QRICH1: variants seen among roughly 807,000 people sequenced by gnomAD.
QRICH1 encodes the protein transcriptional regulator QRICH1.
In QRICH1, 16 loss-of-function variants were observed where a neutral mutation model predicts 87.1. The ratio of observed to expected loss-of-function variants is 0.18; its 90% CI spans 0.12 to 0.28. QRICH1 has a LOEUF of 0.28. Among genes scored for constraint, QRICH1 ranks in the 10% least tolerant of loss-of-function variants. The pLI, the probability that QRICH1 is intolerant of heterozygous loss-of-function variation, is 1.00. For missense variants in QRICH1, 647 were observed against 951.7 expected, an observed-to-expected ratio of 0.68 and a Z score of 4.21; for synonymous variants, 367 against 368.4, an observed-to-expected ratio of 1.00 and a Z score of 0.05.
chr3:49,041,051 T>A (rs1334418389), intron 6 of QRICH1, among the ~76,000 whole-genome samples: 2 of 152,146 alleles, frequency 1.3e-5, no homozygotes. Context: ...CAATGCAACC[T>A]CCACCTCCTG....
intron 6 of QRICH1, among the ~76,000 whole-genome samples, chr3:49,041,231 A>G (rs1398501328): frequency 6.6e-6 from 1 of 152,122 alleles, no homozygotes; most frequent in African/African-American, 2.4e-5. Flanking sequence ...TTGGCCTCCT[A>G]AAGTGCTAGG....
At chr3:49,031,919 G>A (rs2093242971) in intron 9 of QRICH1, among the ~76,000 whole-genome samples, 1 of 152,176 alleles carries the variant, frequency 6.6e-6, no homozygotes, top group South Asian at 2.1e-4. Context: ...TGTGATGAAG[G>A]TAGATTCTCT....
At chr3:49,042,494 GA>G (rs2106847628) in intron 6 of QRICH1, among the ~76,000 whole-genome samples, 1 of 152,174 alleles carries the variant, frequency 6.6e-6, no homozygotes, top group South Asian at 2.1e-4. Context: ...TGACATTCTG[GA>G]AAAGGCAAAA....
chr3:49,078,065 A>G (rs2041985888), intron 1 of QRICH1, among the ~76,000 whole-genome samples: 1 of 152,172 alleles, frequency 6.6e-6, no homozygotes, highest in Non-Finnish European at 1.5e-5. Context: ...CTCCAGAACA[A>G]AAGTAGCAGC....
intron 2 of QRICH1, among the ~76,000 whole-genome samples, chr3:49,060,607 G>A (rs527752632): frequency 4.7e-4 from 72 of 152,248 alleles, no homozygotes; most frequent in African/African-American, 1.7e-3. Context: ...TGGGATTATA[G>A]GCGTGAGCCA....
In QRICH1 at chr3:49,030,378, G is replaced by C; in HGVS notation, c.*74C>G. On this transcript the variant is annotated 3_prime_UTR_variant, in exon 10 of 10. Coordinates refer to ENST00000395443, the MANE Select transcript of QRICH1 (RefSeq NM_198880.3). Reference sequence around the variant, plus strand: ...AATAAAAAAAAGAAAAAAAAAAATGGAGGCCTCTTCTTTAGTGTGAAAGTC... The same window carrying C: ...AATAAAAAAAAGAAAAAAAAAAATGCAGGCCTCTTCTTTAGTGTGAAAGTC... 3 of 1,378,974 alleles carry C rather than the reference G, an allele frequency of 2.2e-6. No individual in the cohort carries two copies. The highest frequency in any genetic ancestry group is 3.0e-6 in the Non-Finnish European group (3 of 1,005,636). 85.4% of individuals were successfully genotyped at this position (1,378,974 alleles called of 1,614,324 possible).
intron 1 of QRICH1, among the ~76,000 whole-genome samples, chr3:49,091,699 T>C (rs2042277825): frequency 1.3e-5 from 2 of 152,196 alleles, no homozygotes; most frequent in South Asian, 4.1e-4. Context: ...AAAGTATTTA[T>C]AAACACCAAT....
intron 1 of QRICH1, among the ~76,000 whole-genome samples, chr3:49,090,882 A>G (rs970633062): frequency 1.2e-4 from 18 of 152,324 alleles, no homozygotes; most frequent in African/African-American, 4.1e-4. Context: ...TCTGAAGAGG[A>G]CTTAAAACAT....
At chr3:49,075,429 G>A (rs1165836472) in intron 2 of QRICH1, among the ~76,000 whole-genome samples, 1 of 151,108 alleles carries the variant, frequency 6.6e-6, no homozygotes, top group Non-Finnish European at 1.5e-5. Flanking sequence ...TCAGAAGTTC[G>A]AGACCAGCCT....
chr3:49,076,560 A>C (rs990590598), intron 2 of QRICH1, 149 bp downstream of exon 2: 3 of 829,022 alleles, frequency 3.6e-6, no homozygotes, highest in African/African-American at 3.5e-5. Flanking sequence ...AAGGAGAAGA[A>C]AGAAAAAACT....
At chr3:49,079,237 A>AAAAC (rs951961856) in intron 1 of QRICH1, among the ~76,000 whole-genome samples, 25 of 151,954 alleles carry the variant, frequency 1.6e-4, no homozygotes, top group South Asian at 6.2e-4. Flanking sequence ...CTGTCTAAAA[A>AAAAC]AAACAAACAA....
At chr3:49,074,998 T>C (rs757006490) in intron 2 of QRICH1, among the ~76,000 whole-genome samples, 8 of 151,244 alleles carry the variant, frequency 5.3e-5, no homozygotes, top group Non-Finnish European at 8.8e-5. Context: ...AGACCAAATA[T>C]CTGTGGTGTT....
chr3:49,094,218 A>G (rs949719404), upstream of QRICH1: 6 of 386,166 alleles, frequency 1.6e-5, no homozygotes, highest in Non-Finnish European at 2.3e-5. Flanking sequence ...ATCCTAGGGT[A>G]TGGAGCGGCT....
chr3:49,069,027 T>C (rs1336619124), intron 2 of QRICH1, among the ~76,000 whole-genome samples: 1 of 151,900 alleles, frequency 6.6e-6, no homozygotes, highest in Non-Finnish European at 1.5e-5. Flanking sequence ...GGTTAGAAAT[T>C]TGTGATAAGA....
chr3:49,057,713 G>T lies in QRICH1; in HGVS notation c.487C>A (p.Gln163Lys). 1.9e-6 allele frequency: 3 copies of T among 1,614,194 alleles called. No homozygotes were observed. Among genetic ancestry groups the T allele is most frequent in the Non-Finnish European group, 2.5e-6 (3 of 1,180,032 alleles). ...ACCTGGATCTGAGCTGCTTGCAGCTGCGAGGGACTGGGACTCTGCAGAGAC... is the reference window on the plus strand; with the variant it reads ...ACCTGGATCTGAGCTGCTTGCAGCTTCGAGGGACTGGGACTCTGCAGAGAC... ...TPSLQSPSPS[Q>K]LQAAQIQVQH... Residue 163 changes from glutamine (Q) to lysine (K), a missense_variant, in exon 3 of 10, where the codon CAG becomes AAG. This residue lies in a region of QRICH1 where 156 missense variants were observed against 164.5 expected (regional missense o/e 0.95). Transcript: ENST00000395443. This position sits in a 1 kb window ranked among gnomAD's most constrained non-coding sequence, Gnocchi z 5.4.
chr3:49,044,399 T>A lies in QRICH1; in HGVS notation c.1777A>T (p.Thr593Ser). The A allele has an allele frequency of 6.2e-7, 1 of 1,607,316 alleles. No individual in the cohort carries two copies. Among genetic ancestry groups the A allele is most frequent in the South Asian group, 1.1e-5 (1 of 90,370 alleles). ...CAAGGGAGACTCTTACCAAGTGGAG[T>A]GACCCGGGGCTGAACATCCTTCAGA... ...EVLKDVQPRV[T>S]PLGYVLPSHV... is the part of the protein sequence containing the mutation. The change falls in exon 6 of 10, where the codon ACT becomes TCT. Residue 593 changes from threonine (T) to serine (S), a missense_variant. This residue lies in a region of QRICH1 where 187 missense variants were observed against 309.5 expected (regional missense o/e 0.60). Coordinates refer to ENST00000395443, the MANE Select transcript of QRICH1 (RefSeq NM_198880.3).
chr3:49,032,086 A>G, intron 9 of QRICH1, 97 bp downstream of exon 9: 1 of 1,012,752 alleles, frequency 9.9e-7, no homozygotes, highest in Middle Eastern at 2.1e-4. Context: ...GGACTAGAGA[A>G]TGCCTCTCCC....
At chr3:49,083,534 A>G (rs567362906) in intron 1 of QRICH1, 2 of 152,266 alleles carry the variant, frequency 1.3e-5, no homozygotes, top group Admixed American at 1.3e-4. Context: ...CCCATCTCTT[A>G]GAAATAATAG....
intron 8 of QRICH1, 140 bp downstream of exon 8, chr3:49,032,482 T>A (rs527300159): frequency 1.5e-4 from 175 of 1,193,966 alleles, no homozygotes; most frequent in Middle Eastern, 9.0e-4. Context: ...GTTTGGAATT[T>A]TTGGCTGGGG....
Sources: gnomAD v4.1 joint callset for allele counts (sites outside exome capture counted in the v4.1 genomes callset) on GRCh38, gnomAD v4.1.1 for gene constraint, gnomAD v4.1.1 regional missense constraint, Gnocchi (gnomAD v3.1) non-coding constraint, MANE v1.5 for transcripts, NCBI Gene and HGNC (gene_info 2026-07-23, HGNC 2026-07-21) for gene names.